Variants in LAMA3 observed in about 807,000 individuals in gnomAD.
LAMA3 encodes laminin subunit alpha-3.
In LAMA3, 281 loss-of-function variants were observed where a neutral mutation model predicts 402.0. The ratio of observed to expected loss-of-function variants is 0.70; its 90% CI spans 0.63 to 0.77. The LOEUF is 0.77. Among genes scored for constraint, LAMA3 ranks in the 30% least tolerant of loss-of-function variants. The pLI, the probability that LAMA3 is intolerant of heterozygous loss-of-function variation, is 0.00. For missense variants in LAMA3, 3,840 were observed against 4,215.5 expected (o/e 0.91, Z 2.47); for synonymous variants, 1,431 against 1,558.4 (o/e 0.92, Z 1.93).
At chr18:23,928,520 T>A in intron 63 of LAMA3, 105 bp from the exon 64 acceptor site, 1 of 1,135,232 alleles carries the variant, frequency 8.8e-7, no homozygotes, top group African/African-American at 1.5e-5. Flanking sequence ...TGAGGTTACA[T>A]AAATCACATT....
intron 50 of LAMA3, 136 bp downstream of exon 50, chr18:23,904,223 A>G (rs1194268742): frequency 2.1e-6 from 2 of 969,116 alleles, no homozygotes; most frequent in Non-Finnish European, 3.2e-6. Context: ...GTCAAGGCCA[A>G]TGCCCCAGGC....
At chr18:23,887,313 A>G (rs2065104396) in intron 41 of LAMA3, among the ~76,000 whole-genome samples, 1 of 152,074 alleles carries the variant, frequency 6.6e-6, no homozygotes, top group Non-Finnish European at 1.5e-5. Context: ...GGATGTGGGG[A>G]GTGGGAAAGG....
At chr18:23,714,920 G>A (rs1168630486) in intron 2 of LAMA3, among the ~76,000 whole-genome samples, 1 of 152,088 alleles carries the variant, frequency 6.6e-6, no homozygotes, top group Admixed American at 6.5e-5. Flanking sequence ...GAATCATATA[G>A]TATTTGTCTT....
chr18:23,738,107 T>C (rs550315005), intron 2 of LAMA3, among the ~76,000 whole-genome samples: 229 of 151,984 alleles, frequency 1.5e-3, no homozygotes, highest in African/African-American at 5.3e-3. Context: ...GAGGCAAGCC[T>C]GGACTGGGAC....
intron 72 of LAMA3, 25 bp downstream of exon 72, chr18:23,950,184 G>C (rs1472658456): frequency 6.2e-7 from 1 of 1,613,496 alleles, no homozygotes; most frequent in Non-Finnish European, 8.5e-7. Flanking sequence ...GATGCCATGG[G>C]GAGGGTCTGT....
At chr18:23,838,946 A>G in intron 26 of LAMA3, 68 bp downstream of exon 26, 5 of 931,350 alleles carry the variant, frequency 5.4e-6, no homozygotes, top group Non-Finnish European at 8.9e-6. Context: ...TAAGGCTGAA[A>G]CTTTATACTC....
At chr18:23,903,522 T>C (rs941837704) in intron 49 of LAMA3, among the ~76,000 whole-genome samples, 4 of 152,246 alleles carry the variant, frequency 2.6e-5, no homozygotes, top group Admixed American at 1.3e-4. Flanking sequence ...TTTTTTATTA[T>C]ACTTTAAGTT....
chr18:23,783,733 C>T (rs2062482720), intron 11 of LAMA3, among the ~76,000 whole-genome samples: 1 of 151,936 alleles, frequency 6.6e-6, no homozygotes, highest in Non-Finnish European at 1.5e-5. Flanking sequence ...TTATACTTTA[C>T]AAAGCTCGGC....
intron 31 of LAMA3, among the ~76,000 whole-genome samples, chr18:23,846,731 G>A (rs1275068191): frequency 6.6e-6 from 1 of 152,236 alleles, no homozygotes; most frequent in Non-Finnish European, 1.5e-5. Context: ...ACTCTAAGTA[G>A]CAATGTTCTA....
chr18:23,845,882 C>T (rs1598908376), intron 30 of LAMA3, among the ~76,000 whole-genome samples: 1 of 152,286 alleles, frequency 6.6e-6, no homozygotes, highest in Middle Eastern at 3.4e-3. Flanking sequence ...TGGGATATTA[C>T]TAAGGTTTCC....
intron 26 of LAMA3, 65 bp downstream of exon 26, chr18:23,838,943 G>T (rs2063640614): frequency 1.5e-5 from 14 of 958,412 alleles, no homozygotes; most frequent in Non-Finnish European, 2.2e-5. Context: ...GTGTAAGGCT[G>T]AAACTTTATA....
chr18:23,848,848 C>G (rs765287268), intron 32 of LAMA3, among the ~76,000 whole-genome samples: 5 of 151,638 alleles, frequency 3.3e-5, no homozygotes, highest in African/African-American at 4.9e-5. Flanking sequence ...AGAACCTGTT[C>G]CATGCCTTTC....
chr18:23,846,182 A>G, intron 30 of LAMA3, 115 bp from the exon 31 acceptor site: 1 of 1,065,920 alleles, frequency 9.4e-7, no homozygotes, highest in Non-Finnish European at 1.5e-6. Flanking sequence ...TGACTCCAGA[A>G]CCATGAGCCC....
chr18:23,786,534 G>A (rs1414455243), intron 12 of LAMA3, among the ~76,000 whole-genome samples: 3 of 152,202 alleles, frequency 2.0e-5, no homozygotes, highest in Non-Finnish European at 4.4e-5. Flanking sequence ...TCTATGGTGG[G>A]AGAGGAAAAC....
intron 2 of LAMA3, among the ~76,000 whole-genome samples, chr18:23,729,892 C>G (rs1004661061): frequency 6.6e-6 from 1 of 152,218 alleles, no homozygotes; most frequent in Non-Finnish European, 1.5e-5. Context: ...CGCTCCCGTC[C>G]TGTCTGTGCT....
chr18:23,905,409 C>T, intron 51 of LAMA3, 113 bp from the exon 52 acceptor site: 1 of 691,018 alleles, frequency 1.4e-6, no homozygotes, highest in Non-Finnish European at 2.7e-6. Flanking sequence ...ATAACTCCTT[C>T]CCCCTTTGAA....
intron 10 of LAMA3, 139 bp from the exon 11 acceptor site, chr18:23,777,418 T>C: frequency 1.5e-6 from 1 of 668,764 alleles, no homozygotes; most frequent in Non-Finnish European, 2.7e-6. Flanking sequence ...TATAGCAATA[T>C]CGCCTTTCTT....
chr18:23,808,905 TATGA>T (rs1598834651), intron 12 of LAMA3, among the ~76,000 whole-genome samples: 2 of 152,216 alleles, frequency 1.3e-5, no homozygotes, highest in East Asian at 3.8e-4. Context: ...GGCTTTACCT[TATGA>T]ATCTTTTCTT....
At chr18:23,870,265 T>G (rs1598962684) in intron 37 of LAMA3, among the ~76,000 whole-genome samples, 2 of 151,968 alleles carry the variant, frequency 1.3e-5, no homozygotes, top group East Asian at 3.9e-4. Flanking sequence ...ATCACACCAC[T>G]GCACTCCAGC....
Sources: gnomAD v4.1 joint callset for allele counts (sites outside exome capture counted in the v4.1 genomes callset) on GRCh38, gnomAD v4.1.1 for gene constraint, MANE v1.5 for transcripts, NCBI Gene and HGNC (gene_info 2026-07-23, HGNC 2026-07-21) for gene names.